The following DCDC1 variants were observed in gnomAD, a reference collection of about 807,000 sequenced individuals.
The protein encoded by DCDC1 is doublecortin domain-containing protein 1.
In DCDC1, 200 loss-of-function variants were observed where a neutral mutation model predicts 178.3. That is an observed-to-expected ratio of 1.12 (90% CI 1.00 to 1.26). DCDC1 has a LOEUF of 1.26. Among genes scored for constraint, DCDC1 ranks in the 50% most tolerant of loss-of-function variants. DCDC1 has a pLI of 0.00. For missense variants in DCDC1, 1,983 were observed against 1,749.2 expected (o/e 1.13, Z -2.38); for synonymous variants, 690 against 604.8 (o/e 1.14, Z -2.07).
intron 37 of DCDC1, 34 bp from the exon 38 acceptor site, chr11:30,878,745 C>A (rs749760036): frequency 1.3e-6 from 2 of 1,532,314 alleles, no homozygotes; most frequent in African/African-American, 1.4e-5. Context: ...AGTTGAGAGA[C>A]AAGTCAATGT....
At chr11:31,144,767 A>T (rs11031298) in intron 9 of DCDC1, among the ~76,000 whole-genome samples, 8,530 of 151,808 alleles carry the variant, frequency 0.056, 369 homozygotes, top group Non-Finnish European at 0.087. Context: ...TCTTTTTATG[A>T]ATGATTTTGA....
chr11:31,175,111 T>G (rs1204190935), intron 9 of DCDC1, among the ~76,000 whole-genome samples: 1 of 152,240 alleles, frequency 6.6e-6, no homozygotes, highest in Non-Finnish European at 1.5e-5. Flanking sequence ...ACCAAGGCTG[T>G]GACACCCTCT....
intron 32 of DCDC1, 113 bp downstream of exon 32, chr11:30,903,369 G>A (rs899856143): frequency 4.1e-5 from 44 of 1,074,480 alleles, no homozygotes; most frequent in Non-Finnish European, 5.0e-5. Flanking sequence ...CACAAAAGTA[G>A]CTTCCTATGA....
intron 15 of DCDC1, among the ~76,000 whole-genome samples, chr11:31,096,901 ATATG>A (rs1274739143): frequency 2.0e-5 from 3 of 152,260 alleles, no homozygotes; most frequent in Non-Finnish European, 2.9e-5. Context: ...ATAATATGCC[ATATG>A]TATGTATGTG....
intron 18 of DCDC1, among the ~76,000 whole-genome samples, chr11:31,065,924 G>A (rs922625665): frequency 9.2e-5 from 14 of 152,100 alleles, no homozygotes; most frequent in Admixed American, 2.0e-4. Flanking sequence ...ATTGTCCCAC[G>A]CATCTTTTAT....
At chr11:30,873,024 A>G (rs1370076669) in intron 38 of DCDC1, among the ~76,000 whole-genome samples, 2 of 150,150 alleles carry the variant, frequency 1.3e-5, no homozygotes, top group African/African-American at 4.9e-5. Context: ...TTTTTCATGT[A>G]TATATATATT....
In DCDC1 at chr11:31,290,738, G is replaced by C. The variant is rs568684214; in HGVS notation, c.869C>G (p.Thr290Ser). Residue 290 changes from threonine (T) to serine (S), a missense_variant, in exon 7 of 39, where the codon ACT (threonine) becomes AGT (serine). By Grantham distance (58) the Thr-to-Ser change is moderately conservative. Transcript: ENST00000684477. ...PVLSIRMKKL[T>S]ERTSVRILFF... The stretch of plus-strand genomic sequence containing the variant: ...CAGAATTCGGACTGAGGTCCTCTCA[G>C]TAAGTTTCTTCATTCTAATAGAAAG... 1 of 1,613,492 alleles carries C rather than the reference G, an allele frequency of 6.2e-7. No individual in the cohort carries two copies. Among genetic ancestry groups the C allele is most frequent in the East Asian group, 2.2e-5 (1 of 44,830 alleles).
At chr11:31,091,227 C>A (rs1458350328) in intron 17 of DCDC1, among the ~76,000 whole-genome samples, 166 bp downstream of exon 17, 1 of 152,170 alleles carries the variant, frequency 6.6e-6, no homozygotes, top group Non-Finnish European at 1.5e-5. Flanking sequence ...AAGTGGCATA[C>A]ATTTTCAAGC....
chr11:31,133,715 G>A (rs1962753514), intron 10 of DCDC1, among the ~76,000 whole-genome samples: 1 of 151,614 alleles, frequency 6.6e-6, no homozygotes, highest in Non-Finnish European at 1.5e-5. Flanking sequence ...TTTTGTTTTT[G>A]TTTTTTGACC....
chr11:31,214,689 C>T (rs112801411), intron 9 of DCDC1, among the ~76,000 whole-genome samples: 1 of 151,976 alleles, frequency 6.6e-6, no homozygotes, highest in East Asian at 1.9e-4. Flanking sequence ...AGACAATATA[C>T]CTTAAATTGG....
chr11:31,013,660 T>C (rs1952304466), intron 20 of DCDC1, among the ~76,000 whole-genome samples: 1 of 152,208 alleles, frequency 6.6e-6, no homozygotes, highest in South Asian at 2.1e-4. Context: ...GTTTTAAAAC[T>C]GTACAACAAT....
At chr11:31,009,422 T>C (rs926544290) in intron 20 of DCDC1, among the ~76,000 whole-genome samples, 2 of 147,932 alleles carry the variant, frequency 1.4e-5, no homozygotes, top group Non-Finnish European at 3.0e-5. Context: ...CACACAATTA[T>C]TGTCTCACAG....
intron 9 of DCDC1, among the ~76,000 whole-genome samples, chr11:31,180,133 A>G (rs1298347496): frequency 6.6e-6 from 1 of 152,244 alleles, no homozygotes; most frequent in Non-Finnish European, 1.5e-5. Context: ...ACATACTTCA[A>G]TGGGTAAGGA....
chr11:31,188,410 C>T (rs1969762183), intron 9 of DCDC1, among the ~76,000 whole-genome samples: 1 of 151,976 alleles, frequency 6.6e-6, no homozygotes, highest in Non-Finnish European at 1.5e-5. Flanking sequence ...CTAGAGATGC[C>T]ACAGATAACA....
intron 9 of DCDC1, among the ~76,000 whole-genome samples, chr11:31,178,755 C>T (rs2756189): frequency 0.092 from 13,935 of 152,068 alleles, 1,756 homozygotes; most frequent in African/African-American, 0.28. Context: ...TGCAGTGGCG[C>T]GATCTCAGCT....
rs1328542139 is a variant in DCDC1 at position 30,922,431 on chromosome 11, T to C, written c.3133+72A>G. 10 of 1,410,728 alleles carry C rather than the reference T, an allele frequency of 7.1e-6. No homozygotes were observed. In the East Asian group the frequency reaches 2.7e-4, roughly 38 times the overall value. The allele number at this position is 1,410,728 out of a possible 1,614,324, so 87.4% of individuals were successfully genotyped here. On this transcript the variant is annotated intron_variant, in intron 24 of 38. Coordinates refer to ENST00000684477, the MANE Select transcript of DCDC1 (RefSeq NM_001387274.1). ...ATTACTTGTTTAAACAAACTTTGAC[T>C]TTTTAAAAAGCAATATCATCAAGCA...
In DCDC1 at chr11:31,042,717, G is replaced by A. The variant is rs180883076; in HGVS notation, c.2591+21752C>T. ...TTTGAATAGGAAAGACACGGTTGTG[G>A]ACGTTGCTTCTTGTGCGGCTCAGTA... On this transcript the variant is annotated intron_variant, in intron 20 of 38. Coordinates refer to ENST00000684477, the MANE Select transcript of DCDC1 (RefSeq NM_001387274.1). Among the ~76,000 whole-genome samples the A allele has an allele frequency of 4.0e-3, 608 of 152,212 alleles. 1 individual carries two copies. Among genetic ancestry groups the A allele is most frequent in the African/African-American group, 0.014 (593 of 41,538 alleles).
At chr11:31,105,889 A>T (rs1052198947) in intron 13 of DCDC1, among the ~76,000 whole-genome samples, 1 of 152,312 alleles carries the variant, frequency 6.6e-6, no homozygotes, top group African/African-American at 2.4e-5. Context: ...CATTATAGTT[A>T]ATATATGATC....
intron 7 of DCDC1, among the ~76,000 whole-genome samples, chr11:31,276,081 C>A (rs780468593): frequency 4.6e-5 from 7 of 152,198 alleles, no homozygotes; most frequent in Non-Finnish European, 8.8e-5. Context: ...CTCTGGATTT[C>A]TTCCTTCCTT....
Sources: gnomAD v4.1 joint callset for allele counts (sites outside exome capture counted in the v4.1 genomes callset) on GRCh38, gnomAD v4.1.1 for gene constraint, MANE v1.5 for transcripts, NCBI Gene and HGNC (gene_info 2026-07-23, HGNC 2026-07-21) for gene names.